Variants in UTP6 observed in about 807,000 individuals in gnomAD.
The protein encoded by UTP6 is UTP6 small subunit processome component.
A neutral mutation model predicts 96.5 loss-of-function variants in UTP6; 60 were observed. That is an observed-to-expected ratio of 0.62 (90% confidence interval 0.51 to 0.77). UTP6 has a LOEUF of 0.77. Ranked by LOEUF, UTP6 falls within the 30% of genes least tolerant of loss-of-function variation. The probability of loss-of-function intolerance (pLI) is 0.00; values close to 1 mark genes in which losing one functional copy is unlikely to be tolerated. For missense variants in UTP6, 637 were observed against 706.5 expected (o/e 0.90, Z 1.12); for synonymous variants, 215 against 240.1 (o/e 0.90, Z 0.96).
At chr17:31,883,778 G>A (rs1260101044) in intron 10 of UTP6, among the ~76,000 whole-genome samples, 1 of 151,896 alleles carries the variant, frequency 6.6e-6, no homozygotes, top group East Asian at 1.9e-4. Flanking sequence ...CCAGACTCAG[G>A]TGATCTTCCC....
chr17:31,894,286 A>G (rs866028647), intron 4 of UTP6, among the ~76,000 whole-genome samples: 4,166 of 81,650 alleles, frequency 0.051, 60 homozygotes, highest in African/African-American at 0.095. Context: ...AAAAAAAAAG[A>G]AAAAAAAAAA....
intron 16 of UTP6, among the ~76,000 whole-genome samples, chr17:31,872,087 C>G (rs1213107952): frequency 1.3e-5 from 2 of 151,148 alleles, no homozygotes; most frequent in African/African-American, 4.9e-5. Flanking sequence ...CCCAGCTACT[C>G]AGGAGGCTGA....
At chr17:31,892,022 C>CAA (rs374498778) in intron 6 of UTP6, 19 of 440,290 alleles carry the variant, frequency 4.3e-5, no homozygotes, top group East Asian at 1.2e-4. Context: ...GACTCCGTCT[C>CAA]AAAAAAAAAA....
In UTP6 at chr17:31,885,962, T is replaced by C. The variant is rs750967567; in HGVS notation, c.703+18A>G. The C allele has an allele frequency of 3.1e-6, 5 of 1,594,646 alleles. No individual in the cohort carries two copies. Among genetic ancestry groups the C allele is most frequent in the Non-Finnish European group, 3.4e-6 (4 of 1,171,776 alleles). On this transcript the variant is annotated intron_variant, in intron 9 of 18. Coordinates refer to ENST00000261708, the MANE Select transcript of UTP6 (RefSeq NM_018428.3). ...TGTTTCACTTTCCTACCAAAAATAA[T>C]GTTCAAAAGATACCTACCTTTAATT...
intron 7 of UTP6, chr17:31,887,915 C>A (rs1387602959): frequency 7.8e-6 from 1 of 127,930 alleles, no homozygotes; most frequent in African/African-American, 3.0e-5. Flanking sequence ...GAGCCAAGAA[C>A]ACACCATTGC....
At chr17:31,895,830 G>C (rs1013590419) in intron 2 of UTP6, among the ~76,000 whole-genome samples, 1 of 151,438 alleles carries the variant, frequency 6.6e-6, no homozygotes. Context: ...CACCGTGCCC[G>C]GCCCATCAAT....
chr17:31,899,765 C>G (rs538317436), intron 1 of UTP6, 35 bp from the exon 2 acceptor site: 2 of 1,443,300 alleles, frequency 1.4e-6, no homozygotes, highest in Middle Eastern at 2.0e-4. Flanking sequence ...CACTTGAAAA[C>G]TGCAAAAATT....
At chr17:31,874,719 G>A (rs1910389460) in intron 14 of UTP6, among the ~76,000 whole-genome samples, 1 of 152,000 alleles carries the variant, frequency 6.6e-6, no homozygotes, top group Non-Finnish European at 1.5e-5. Context: ...ATCACTTGAG[G>A]CTAGGAGTTC....
chr17:31,892,073 C>A, intron 6 of UTP6, 187 bp downstream of exon 6: 1 of 605,326 alleles, frequency 1.7e-6, no homozygotes, highest in East Asian at 2.8e-5. Context: ...ACACCTAGGA[C>A]AGTAACTAGT....
intron 18 of UTP6, 45 bp downstream of exon 18, chr17:31,865,321 C>A: frequency 6.3e-7 from 1 of 1,593,376 alleles, no homozygotes. Flanking sequence ...CCAAGAAACA[C>A]TGTTCTAACC....
At chr17:31,865,262 C>T (rs1909750353) in intron 18 of UTP6, 104 bp downstream of exon 18, 2 of 1,203,076 alleles carry the variant, frequency 1.7e-6, no homozygotes, top group Admixed American at 1.9e-5. Context: ...ATCCGCCTGC[C>T]TTGGCCTCCC....
rs1205170167 is a variant in UTP6 at position 31,862,903 on chromosome 17, G to A, written c.*456C>T. The A allele has an allele frequency of 1.3e-5, 2 of 154,596 alleles. No homozygotes were observed. The highest frequency in any genetic ancestry group is 2.9e-5 in the Non-Finnish European group (2 of 69,600). 9.6% of individuals were successfully genotyped at this position (154,596 alleles called of 1,614,324 possible). A position where few individuals can be genotyped will look rare whatever the true frequency, so the allele number is the denominator to read the frequency against. On this transcript the variant is annotated 3_prime_UTR_variant, in exon 19 of 19. Transcript: ENST00000261708. ...TCTCCTTCATTTTAACTGGCTCTTA[G>A]GTCGAGATTAGAGATACTCATGCTT...
intron 7 of UTP6, chr17:31,887,942 CAA>C (rs1911246551): frequency 1.2e-5 from 1 of 85,258 alleles, no homozygotes; most frequent in Non-Finnish European, 2.1e-5. Flanking sequence ...GCCTGAGCAA[CAA>C]GAGTGAGACT....
rs1350918667 is a variant in UTP6, at chr17:31,901,586, C to G, written c.42G>C (p.Pro14=). 6.2e-7 allele frequency: 1 copy of G among 1,613,998 alleles called. No individual in the cohort carries two copies. Among genetic ancestry groups the G allele is most frequent in the Non-Finnish European group, 8.5e-7 (1 of 1,180,030 alleles). The change falls in exon 1 of 19, where the codon CCG becomes CCC. Residue 14 remains proline, a synonymous_variant. Coordinates refer to ENST00000261708, the MANE Select transcript of UTP6 (RefSeq NM_018428.3). ...CAATGCGCTCCAGCTGTTCCAATTCCGGGAGCCGATCTTCTATGCGTTCCT... is the reference window on the plus strand; with the variant it reads ...CAATGCGCTCCAGCTGTTCCAATTCGGGGAGCCGATCTTCTATGCGTTCCT... The part of the protein sequence containing the change: ...IIQERIEDRL[P]ELEQLERIGL...
chr17:31,876,927 A>C (rs991825404), intron 13 of UTP6, among the ~76,000 whole-genome samples: 2 of 152,022 alleles, frequency 1.3e-5, no homozygotes, highest in South Asian at 4.2e-4. Context: ...TGGGAGAATC[A>C]CTTAAACCTG....
intron 10 of UTP6, among the ~76,000 whole-genome samples, chr17:31,881,997 T>C (rs1276042108): frequency 6.6e-6 from 1 of 152,118 alleles, no homozygotes; most frequent in East Asian, 1.9e-4. Context: ...TTATTATAGC[T>C]GAGCTCTTCA....
chr17:31,897,237 C>T (rs1168445704), intron 2 of UTP6, among the ~76,000 whole-genome samples: 1 of 151,640 alleles, frequency 6.6e-6, no homozygotes, highest in Admixed American at 6.6e-5. Flanking sequence ...AATGAGTGCT[C>T]GCACCATTGC....
At chr17:31,892,708 G>T in intron 5 of UTP6, 39 bp downstream of exon 5, 1 of 1,613,448 alleles carries the variant, frequency 6.2e-7, no homozygotes, top group Non-Finnish European at 8.5e-7. Context: ...TTAACAAAAA[G>T]ACGGTCAGAG....
intron 13 of UTP6, among the ~76,000 whole-genome samples, chr17:31,876,571 G>T (rs1365191925): frequency 6.6e-6 from 1 of 151,838 alleles, no homozygotes; most frequent in African/African-American, 2.4e-5. Context: ...TTGAACCCAG[G>T]AGGCGGAGGT....
Sources: gnomAD v4.1 joint callset for allele counts (sites outside exome capture counted in the v4.1 genomes callset) on GRCh38, gnomAD v4.1.1 for gene constraint, MANE v1.5 for transcripts, NCBI Gene and HGNC (gene_info 2026-07-23, HGNC 2026-07-21) for gene names.